Variants in CSMD3 observed in about 807,000 individuals in gnomAD.
The protein encoded by CSMD3 is CUB and sushi domain-containing protein 3.
A neutral mutation model predicts 435.2 loss-of-function variants in CSMD3; 177 were observed. That is an observed-to-expected ratio of 0.41 (90% confidence interval 0.36 to 0.46). The LOEUF (loss-of-function observed/expected upper bound fraction) is 0.46, where lower values mean the gene tolerates loss of function less well. CSMD3 is among the 20% of genes least tolerant of loss of function. The pLI is 0.34. For synonymous variants in CSMD3, 1,656 were observed against 1,520.5 expected (o/e 1.09, Z -2.07); for missense variants, 4,265 against 4,504.6 (o/e 0.95, Z 1.52).
chr8:112,317,105 A>C (rs1020780288), intron 47 of CSMD3, among the ~76,000 whole-genome samples: 2 of 151,990 alleles, frequency 1.3e-5, no homozygotes, highest in African/African-American at 4.8e-5. Flanking sequence ...CTCATTCTAA[A>C]GGATGATTTA....
At chr8:112,550,231 T>C (rs1216128689) in intron 27 of CSMD3, among the ~76,000 whole-genome samples, 1 of 152,042 alleles carries the variant, frequency 6.6e-6, no homozygotes, top group East Asian at 1.9e-4. Flanking sequence ...AAGATGTCTG[T>C]GAATACATAA....
chr8:112,519,691 C>A (rs757584382), intron 27 of CSMD3, among the ~76,000 whole-genome samples: 5 of 152,164 alleles, frequency 3.3e-5, no homozygotes, highest in Non-Finnish European at 7.3e-5. Flanking sequence ...AGCTGCCTCT[C>A]GATTCACAGG....
At chr8:112,498,352 C>T (rs1821586864) in intron 30 of CSMD3, among the ~76,000 whole-genome samples, 1 of 152,034 alleles carries the variant, frequency 6.6e-6, no homozygotes, top group African/African-American at 2.4e-5. Context: ...AGTTCTTTAT[C>T]TATGACAGCA....
intron 5 of CSMD3, among the ~76,000 whole-genome samples, chr8:113,051,685 C>G (rs1037395990): frequency 6.6e-6 from 1 of 152,184 alleles, no homozygotes; most frequent in Non-Finnish European, 1.5e-5. Flanking sequence ...CACTACTGAT[C>G]ACTTTGGTCA....
chr8:112,318,144 A>G (rs1186608665), intron 47 of CSMD3, among the ~76,000 whole-genome samples: 1 of 151,972 alleles, frequency 6.6e-6, no homozygotes, highest in African/African-American at 2.4e-5. Flanking sequence ...CTTTGCATAT[A>G]TATCTGCCAC....
rs533899156 is a variant in CSMD3, at chr8:112,970,657, T to C, written c.1342+5180A>G. Among the ~76,000 whole-genome samples the C allele has an allele frequency of 2.6e-5, 4 of 151,954 alleles. No individual in the cohort carries two copies. The South Asian group carries it at 6.2e-4, about 24-fold the overall frequency. ...AGCCTAAATACCCACTCAAACCATTTTGAATGGGTCTTAGTGACATAAATA... is the reference window on the plus strand; with the variant it reads ...AGCCTAAATACCCACTCAAACCATTCTGAATGGGTCTTAGTGACATAAATA... On this transcript the variant is annotated intron_variant, in intron 7 of 70. Coordinates refer to ENST00000297405, the MANE Select transcript of CSMD3 (RefSeq NM_198123.2).
chr8:112,705,663 G>T (rs2076484360), intron 13 of CSMD3, among the ~76,000 whole-genome samples: 1 of 151,916 alleles, frequency 6.6e-6, no homozygotes, highest in Non-Finnish European at 1.5e-5. Flanking sequence ...CATAATCTCT[G>T]CCCTTAAAAA....
At chr8:112,332,444 G>A (rs1015217567) in intron 45 of CSMD3, among the ~76,000 whole-genome samples, 2 of 152,160 alleles carry the variant, frequency 1.3e-5, no homozygotes, top group African/African-American at 2.4e-5. Flanking sequence ...CCTGACTGAA[G>A]TTGTGTAGGG....
At chr8:112,452,443 T>C (rs961172424) in intron 32 of CSMD3, among the ~76,000 whole-genome samples, 15 of 151,996 alleles carry the variant, frequency 9.9e-5, no homozygotes, top group Non-Finnish European at 2.9e-5. Context: ...TAAAAAAATT[T>C]AGAGTAGACA....
intron 10 of CSMD3, among the ~76,000 whole-genome samples, chr8:112,886,035 T>A (rs539962156): frequency 6.6e-6 from 1 of 151,774 alleles, no homozygotes; most frequent in Admixed American, 6.6e-5. Flanking sequence ...TATTAAATAG[T>A]AAATATTCTA....
chr8:113,139,607 T>C (rs1588141294), intron 4 of CSMD3, among the ~76,000 whole-genome samples: 1 of 151,198 alleles, frequency 6.6e-6, no homozygotes, highest in East Asian at 1.9e-4. Context: ...ATGCAGTATA[T>C]AAATTTAAAC....
intron 1 of CSMD3, among the ~76,000 whole-genome samples, chr8:113,391,947 CT>C (rs1202528893): frequency 6.6e-6 from 1 of 152,020 alleles, no homozygotes; most frequent in Non-Finnish European, 1.5e-5. Flanking sequence ...GTGTGGAAAG[CT>C]AGTCTACATG....
At chr8:112,916,723 AG>A (rs2082582753) in intron 10 of CSMD3, among the ~76,000 whole-genome samples, 1 of 151,948 alleles carries the variant, frequency 6.6e-6, no homozygotes, top group Admixed American at 6.6e-5. Flanking sequence ...TTTGCATAAC[AG>A]GAAGCCTACT....
At chr8:113,100,580 A>G (rs1212125331) in intron 4 of CSMD3, among the ~76,000 whole-genome samples, 1 of 152,106 alleles carries the variant, frequency 6.6e-6, no homozygotes, top group Non-Finnish European at 1.5e-5. Flanking sequence ...GACACATAAC[A>G]TTCTGGATCA....
At chr8:112,823,721 G>A (rs1232284689) in intron 12 of CSMD3, among the ~76,000 whole-genome samples, 1 of 152,136 alleles carries the variant, frequency 6.6e-6, no homozygotes, top group African/African-American at 2.4e-5. Context: ...TGCATTTGCT[G>A]AGGAGTGTTT....
intron 3 of CSMD3, among the ~76,000 whole-genome samples, chr8:113,228,623 T>C (rs879576660): frequency 1.3e-5 from 2 of 151,502 alleles, no homozygotes; most frequent in Non-Finnish European, 3.0e-5. Flanking sequence ...CATATTTATA[T>C]AAACATCCTC....
intron 19 of CSMD3, among the ~76,000 whole-genome samples, chr8:112,649,873 A>G (rs987492784): frequency 2.6e-5 from 4 of 152,150 alleles, no homozygotes; most frequent in African/African-American, 9.7e-5. Flanking sequence ...GGCTGTTTTG[A>G]AAAGGTCCAC....
At chr8:112,489,936 C>T (rs998288152) in intron 31 of CSMD3, among the ~76,000 whole-genome samples, 1 of 152,052 alleles carries the variant, frequency 6.6e-6, no homozygotes, top group Non-Finnish European at 1.5e-5. Flanking sequence ...ATACTCAACA[C>T]CTGTTTTTCA....
At chr8:112,747,720 A>G (rs1437446474) in intron 13 of CSMD3, among the ~76,000 whole-genome samples, 2 of 152,182 alleles carry the variant, frequency 1.3e-5, no homozygotes, top group African/African-American at 4.8e-5. Flanking sequence ...TCACGCCTGT[A>G]ATCCCAGCAC....
Sources: allele counts gnomAD v4.1 joint callset (sites outside exome capture counted in the v4.1 genomes callset), GRCh38; gene constraint gnomAD v4.1.1; transcripts MANE v1.5; gene names NCBI Gene and HGNC (gene_info 2026-07-23, HGNC 2026-07-21).